The following XRN1 variants were observed in gnomAD, a reference collection of about 807,000 sequenced individuals.
The protein encoded by XRN1 is 5'-3' exoribonuclease 1.
Under a neutral mutation model 222.3 loss-of-function variants are expected in XRN1, and 67 were observed. The observed-to-expected ratio is 0.30, with a 90% confidence interval of 0.25 to 0.37. The LOEUF is 0.37. XRN1 is among the 10% of genes least tolerant of loss of function. The pLI is 1.00. For synonymous variants in XRN1, 643 were observed against 652.4 expected, an observed-to-expected ratio of 0.99 and a Z score of 0.22; for missense variants, 1,707 against 2,000.2, an observed-to-expected ratio of 0.85 and a Z score of 2.80.
chr3:142,320,851 T>C (rs757990416), intron 37 of XRN1, among the ~76,000 whole-genome samples: 10 of 152,170 alleles, frequency 6.6e-5, no homozygotes, highest in Non-Finnish European at 1.3e-4. Context: ...GTACAATTTG[T>C]CCATGTTTTC....
At chr3:142,331,568 T>C (rs1227171183) in intron 36 of XRN1, among the ~76,000 whole-genome samples, 1 of 152,200 alleles carries the variant, frequency 6.6e-6, no homozygotes, top group African/African-American at 2.4e-5. Context: ...ATTCTTATTT[T>C]ATAAATAAGA....
chr3:142,313,196 T>A, intron 39 of XRN1: 1 of 1,611,390 alleles, frequency 6.2e-7, no homozygotes, highest in Non-Finnish European at 8.5e-7. Context: ...CCAAAAAACC[T>A]CAAGTCCTGA....
intron 2 of XRN1, among the ~76,000 whole-genome samples, chr3:142,428,575 T>G (rs1233788866): frequency 1.3e-5 from 2 of 152,062 alleles, no homozygotes; most frequent in Non-Finnish European, 2.9e-5. Flanking sequence ...GACAGTAGCA[T>G]TAAAGATGAA....
chr3:142,383,491 G>T, intron 21 of XRN1, 78 bp from the exon 22 acceptor site: 2 of 1,185,012 alleles, frequency 1.7e-6, no homozygotes, highest in South Asian at 1.4e-5. Flanking sequence ...ATGGGATTAT[G>T]ACTATGCTGT....
At chr3:142,404,876 T>C (rs765198973) in intron 16 of XRN1, 31 bp downstream of exon 16, 2 of 1,612,176 alleles carry the variant, frequency 1.2e-6, no homozygotes, top group East Asian at 2.2e-5. Flanking sequence ...GAGCGCTCTT[T>C]TGTTGTTGAA....
intron 8 of XRN1, 84 bp downstream of exon 8, chr3:142,422,498 A>G (rs895755170): frequency 1.4e-6 from 2 of 1,405,840 alleles, no homozygotes; most frequent in African/African-American, 2.9e-5. Context: ...CGTGCATGCA[A>G]TAATCTACTA....
rs1189925299 is a variant in XRN1, at chr3:142,308,200, C to G, written c.*3311G>C. The G allele has an allele frequency of 6.6e-6, 1 of 152,146 alleles. No individual in the cohort carries two copies. The highest frequency in any genetic ancestry group is 1.5e-5 in the Non-Finnish European group (1 of 68,016). 9.4% of individuals were successfully genotyped at this position (152,146 alleles called of 1,614,324 possible). A position where few individuals can be genotyped will look rare whatever the true frequency, so the allele number is the denominator to read the frequency against. ...GAGTAAAAAAGACCTTACAGTTTAT[C>G]TATTTCCTTGTGCTAGAAAGATACG... is the stretch of plus-strand genomic sequence containing the variant. On this transcript the variant is annotated 3_prime_UTR_variant, in exon 41 of 41. Transcript: ENST00000392981.
At chr3:142,352,434 C>T (rs2066335353) in intron 32 of XRN1, among the ~76,000 whole-genome samples, 3 of 152,230 alleles carry the variant, frequency 2.0e-5, no homozygotes, top group Middle Eastern at 3.4e-3. Context: ...CGTATCTTGT[C>T]ACCTTAATTT....
At chr3:142,322,220 T>A (rs1165623261) in intron 37 of XRN1, among the ~76,000 whole-genome samples, 1 of 152,162 alleles carries the variant, frequency 6.6e-6, no homozygotes, top group Non-Finnish European at 1.5e-5. Context: ...TAATTATATA[T>A]GCATATATTT....
In XRN1 at chr3:142,423,670, T is replaced by C. The variant is rs780735153; in HGVS notation, c.628-28A>G. ...GTTGAAAAATGATTAAGAAATGTTT[T>C]TATTCTCCCATTTTTAATAATATTA... On this transcript the variant is annotated intron_variant, in intron 5 of 40. Transcript: ENST00000392981. 6 of 1,527,488 alleles carry C rather than the reference T, an allele frequency of 3.9e-6. No homozygotes were observed. In the South Asian group the frequency reaches 5.0e-5, roughly 13 times the overall value. The allele number at this position is 1,527,488 out of a possible 1,614,324, so 94.6% of individuals were successfully genotyped here. A position where few individuals can be genotyped will look rare whatever the true frequency, so the allele number is the denominator to read the frequency against.
chr3:142,379,219 C>T (rs1396001264), intron 23 of XRN1, among the ~76,000 whole-genome samples: 4 of 152,106 alleles, frequency 2.6e-5, no homozygotes, highest in African/African-American at 9.7e-5. Flanking sequence ...TGCACTGAGC[C>T]AAGATCGTGC....
At chr3:142,318,744 AG>A in intron 38 of XRN1, 45 bp downstream of exon 38, 2 of 1,609,726 alleles carry the variant, frequency 1.2e-6, no homozygotes, top group African/African-American at 1.3e-5. Context: ...AGCTTTCTAT[AG>A]GGACTAATAA....
In XRN1 at chr3:142,412,644, T is replaced by C; in HGVS notation, c.1613A>G (p.Asp538Gly). Residue 538 changes from aspartate (D) to glycine (G), a missense_variant, in exon 15 of 41, where the codon GAC (aspartate) becomes GGC (glycine). By Grantham distance (94) the Asp-to-Gly change is moderately conservative. Around this residue, in one of 2 missense-constraint regions of XRN1, gnomAD observed 1,234 missense variants for 1,518.2 expected, o/e 0.81. Coordinates refer to ENST00000392981, the MANE Select transcript of XRN1 (RefSeq NM_001282857.2). The stretch of plus-strand genomic sequence containing the variant: ...TGGGTAATATTCTATAATTGGTGAG[T>C]CTTCATTGGTCATCAAATGCTGTGA... The part of the protein sequence containing the change: ...ACYQHLMTNE[D>G]SPIIEYYPPD... 2 of 1,592,332 alleles carry C rather than the reference T, an allele frequency of 1.3e-6. No individual in the cohort carries two copies. Among genetic ancestry groups the C allele is most frequent in the African/African-American group, 1.3e-5 (1 of 74,870 alleles).
chr3:142,414,911 C>A (rs1479757644), intron 13 of XRN1, among the ~76,000 whole-genome samples: 1 of 152,250 alleles, frequency 6.6e-6, no homozygotes, highest in Non-Finnish European at 1.5e-5. Flanking sequence ...GATAGTGAAT[C>A]TTCCAATCAA....
At chr3:142,443,692 G>C (rs907443219) in intron 1 of XRN1, among the ~76,000 whole-genome samples, 21 of 152,150 alleles carry the variant, frequency 1.4e-4, no homozygotes, top group African/African-American at 5.1e-4. Flanking sequence ...TAAAAATAGA[G>C]CTACCATATG....
chr3:142,388,108 C>T (rs965499510), intron 20 of XRN1, among the ~76,000 whole-genome samples: 1 of 152,246 alleles, frequency 6.6e-6, no homozygotes, highest in African/African-American at 2.4e-5. Flanking sequence ...ATACAGCTGA[C>T]ACTTGAAAAA....
intron 3 of XRN1, among the ~76,000 whole-genome samples, chr3:142,425,918 G>A (rs574633997): frequency 3.3e-5 from 5 of 151,618 alleles, no homozygotes; most frequent in Non-Finnish European, 7.4e-5. Context: ...AAGGCTTGCA[G>A]CTTAAATCAG....
chr3:142,445,074 C>T (rs932335541), intron 1 of XRN1, among the ~76,000 whole-genome samples: 3 of 152,088 alleles, frequency 2.0e-5, no homozygotes, highest in Non-Finnish European at 4.4e-5. Context: ...TCTTTCTTAT[C>T]GTTACTTTTT....
intron 25 of XRN1, among the ~76,000 whole-genome samples, chr3:142,372,960 A>C (rs183452512): frequency 6.6e-6 from 1 of 152,338 alleles, no homozygotes; most frequent in African/African-American, 2.4e-5. Context: ...ACCTAAGTAC[A>C]CTAAATTTCC....
Sources: allele counts gnomAD v4.1 joint callset (sites outside exome capture counted in the v4.1 genomes callset), GRCh38; gene constraint gnomAD v4.1.1; regional missense constraint gnomAD v4.1.1; transcripts MANE v1.5; gene names NCBI Gene and HGNC (gene_info 2026-07-23, HGNC 2026-07-21).